The following PALD1 variants were observed in gnomAD, a reference collection of about 807,000 sequenced individuals.
PALD1 encodes the protein phosphatase domain containing paladin 1.
A neutral mutation model predicts 96.0 loss-of-function variants in PALD1; 57 were observed. The ratio of observed to expected loss-of-function variants is 0.59; its 90% CI spans 0.48 to 0.74. The LOEUF (loss-of-function observed/expected upper bound fraction) is 0.74, where lower values mean the gene tolerates loss of function less well. PALD1 is among the 30% of genes least tolerant of loss of function. The pLI is 0.00. For synonymous variants in PALD1, 464 were observed against 473.6 expected (o/e 0.98, Z 0.26); for missense variants, 1,063 against 1,143.7 (o/e 0.93, Z 1.02).
chr10:70,527,438 C>T (rs1345968677), intron 2 of PALD1, among the ~76,000 whole-genome samples: 1 of 152,176 alleles, frequency 6.6e-6, no homozygotes, highest in Non-Finnish European at 1.5e-5. Context: ...CCTGCAGGCC[C>T]AATGTGGCCT....
At chr10:70,497,097 C>A (rs998936832) in intron 1 of PALD1, among the ~76,000 whole-genome samples, 1 of 152,216 alleles carries the variant, frequency 6.6e-6, no homozygotes, top group African/African-American at 2.4e-5. Context: ...TCCCTGGCTC[C>A]AGAGCGAGTG....
intron 18 of PALD1, among the ~76,000 whole-genome samples, chr10:70,555,262 A>AT (rs759055759): frequency 4.0e-5 from 6 of 151,614 alleles, no homozygotes; most frequent in Non-Finnish European, 5.9e-5. Flanking sequence ...GGTGTGAGCC[A>AT]CTGTACCTGG....
Position 70,567,081 on chromosome 10 carries a change from T to G in PALD1, c.*348T>G. On this transcript the variant is annotated 3_prime_UTR_variant, in exon 20 of 20. Transcript: ENST00000263563. ...AGTTGCCAAACACTGTGGATCTCTC[T>G]GTCCTCTTCTCCCCTCTCTCAGATT... 2 of 223,824 alleles carry G rather than the reference T, an allele frequency of 8.9e-6. No homozygotes were observed. The highest frequency in any genetic ancestry group is 8.7e-6 in the Non-Finnish European group (1 of 115,040). The allele number at this position is 223,824 out of a possible 1,614,324, so 13.9% of individuals were successfully genotyped here.
At chr10:70,514,423 A>G (rs1002501953) in intron 1 of PALD1, among the ~76,000 whole-genome samples, 1 of 152,084 alleles carries the variant, frequency 6.6e-6, no homozygotes, top group Non-Finnish European at 1.5e-5. Context: ...CACATAATTT[A>G]GCAGGTGAAG....
At chr10:70,525,041 A>G (rs1237137144) in intron 1 of PALD1, among the ~76,000 whole-genome samples, 1 of 152,132 alleles carries the variant, frequency 6.6e-6, no homozygotes, top group Non-Finnish European at 1.5e-5. Context: ...TCACTCTGTC[A>G]CCTAGGCTGG....
At chr10:70,561,952 C>T (rs541848271) in intron 18 of PALD1, among the ~76,000 whole-genome samples, 6 of 152,334 alleles carry the variant, frequency 3.9e-5, no homozygotes, top group South Asian at 2.1e-4. Flanking sequence ...CCTCCAGGCA[C>T]GGAGGGCAGG....
chr10:70,509,784 G>A (rs1298582681), intron 1 of PALD1, among the ~76,000 whole-genome samples: 1 of 152,172 alleles, frequency 6.6e-6, no homozygotes, highest in Non-Finnish European at 1.5e-5. Flanking sequence ...CTCTAGGAGG[G>A]CACAGGTTGG....
upstream of PALD1, among the ~76,000 whole-genome samples, chr10:70,476,157 G>C (rs1171225332): frequency 6.6e-6 from 1 of 152,194 alleles, no homozygotes; most frequent in African/African-American, 2.4e-5. Flanking sequence ...TGGGACCCAT[G>C]AATCTTTTCT....
chr10:70,522,134 C>T (rs1210493304), intron 1 of PALD1, among the ~76,000 whole-genome samples: 1 of 152,142 alleles, frequency 6.6e-6, no homozygotes, highest in East Asian at 1.9e-4. Flanking sequence ...GGGTGTCACA[C>T]TGGGGAGTGT....
intron 11 of PALD1, among the ~76,000 whole-genome samples, 174 bp downstream of exon 11, chr10:70,538,080 C>T (rs1847152722): frequency 6.6e-6 from 1 of 152,212 alleles, no homozygotes; most frequent in Admixed American, 6.5e-5. Context: ...CATAGGGAGG[C>T]CCCACCTCTT....
chr10:70,532,746 G>T lies in PALD1; in HGVS notation c.759G>T (p.Val253=). 1 of 1,614,156 alleles carries T rather than the reference G, an allele frequency of 6.2e-7. No homozygotes were observed. The change falls in exon 6 of 20, where the codon GTG becomes GTT. Residue 253 remains valine, a synonymous_variant. Transcript: ENST00000263563. The part of the protein sequence containing the change: ...GEDDLHVTEE[V]YKRPLFLQPT... The stretch of plus-strand genomic sequence containing the variant: ...ACGACTTGCATGTGACGGAGGAGGT[G>T]TACAAGCGGCCCCTCTTCCTGCAGC...
At chr10:70,484,578 T>C (rs2394722) in intron 1 of PALD1, among the ~76,000 whole-genome samples, 141,126 of 151,446 alleles carry the variant, frequency 0.93, 66,030 homozygotes, top group East Asian at 1. Flanking sequence ...CTCGGTCTGT[T>C]ACCCAGGCTG....
intron 1 of PALD1, among the ~76,000 whole-genome samples, chr10:70,505,011 T>G (rs1372573977): frequency 6.6e-6 from 1 of 152,226 alleles, no homozygotes; most frequent in African/African-American, 2.4e-5. Flanking sequence ...TTTTGTAATA[T>G]CAGGCATCTG....
At chr10:70,562,069 T>C (rs1192399991) in intron 18 of PALD1, among the ~76,000 whole-genome samples, 1 of 152,226 alleles carries the variant, frequency 6.6e-6, no homozygotes, top group East Asian at 1.9e-4. Context: ...GAGCTTTCTG[T>C]GGTGCACACG....
intron 17 of PALD1, among the ~76,000 whole-genome samples, chr10:70,543,593 T>C (rs1159775327): frequency 6.6e-6 from 1 of 152,226 alleles, no homozygotes; most frequent in Non-Finnish European, 1.5e-5. Context: ...GTTTATTCTT[T>C]TGCATGTGGA....
At chr10:70,518,255 A>T (rs1159405555) in intron 1 of PALD1, among the ~76,000 whole-genome samples, 3 of 152,148 alleles carry the variant, frequency 2.0e-5, no homozygotes, top group African/African-American at 7.2e-5. Context: ...TCTGTTCACC[A>T]GTTGATGGAC....
Position 70,539,380 on chromosome 10 carries a change from A to G in PALD1, c.1725+133A>G. ...GGCCCCGGGAGGAGCAGTGTCAGGG[A>G]GTGGCCAACTCAGGATTCCCACTAA... is the stretch of plus-strand genomic sequence containing the variant. On this transcript the variant is annotated intron_variant, in intron 14 of 19. Transcript: ENST00000263563. The surrounding 1 kb of genome is among the most constrained non-coding windows in gnomAD (Gnocchi z 4.5). The G allele has an allele frequency of 1.8e-6, 2 of 1,085,636 alleles. No individual in the cohort carries two copies. Among genetic ancestry groups the G allele is most frequent in the Non-Finnish European group, 1.3e-6 (1 of 774,978 alleles). The allele number at this position is 1,085,636 out of a possible 1,614,324, so 67.3% of individuals were successfully genotyped here.
At chr10:70,485,505 G>T (rs571436190) in intron 1 of PALD1, 1 of 152,270 alleles carries the variant, frequency 6.6e-6, no homozygotes, top group South Asian at 2.1e-4. Flanking sequence ...TGCCTCCTGG[G>T]TTCAAGCGAT....
intron 1 of PALD1, among the ~76,000 whole-genome samples, chr10:70,523,497 G>T (rs1427558959): frequency 6.6e-6 from 1 of 152,194 alleles, no homozygotes; most frequent in African/African-American, 2.4e-5. Context: ...GCCAGGGCTG[G>T]TGAGGTGGAG....
Sources: gnomAD v4.1 joint callset for allele counts (sites outside exome capture counted in the v4.1 genomes callset) on GRCh38, gnomAD v4.1.1 for gene constraint, Gnocchi (gnomAD v3.1) non-coding constraint, MANE v1.5 for transcripts, NCBI Gene and HGNC (gene_info 2026-07-23, HGNC 2026-07-21) for gene names.